The following RBM25 variants were observed in gnomAD, a reference collection of about 807,000 sequenced individuals.
RBM25 encodes RNA binding motif protein 25.
In RBM25, 19 loss-of-function variants were observed where a neutral mutation model predicts 120.7. That is an observed-to-expected ratio of 0.16 (90% CI 0.11 to 0.23). The LOEUF is 0.23. Among genes scored for constraint, RBM25 ranks in the 10% least tolerant of loss-of-function variants. The pLI is 1.00. For missense variants in RBM25, 605 were observed against 1,041.5 expected (o/e 0.58, Z 5.77); for synonymous variants, 390 against 326.7 (o/e 1.19, Z -2.09).
chr14:73,082,738 T>C (rs554402782), intron 4 of RBM25, among the ~76,000 whole-genome samples: 1 of 152,270 alleles, frequency 6.6e-6, no homozygotes, highest in East Asian at 1.9e-4. Flanking sequence ...TCCCAAGTTA[T>C]TTTTGCATAC....
intron 1 of RBM25, among the ~76,000 whole-genome samples, chr14:73,066,427 G>A (rs1415644673): frequency 6.6e-6 from 1 of 152,132 alleles, no homozygotes; most frequent in African/African-American, 2.4e-5. Context: ...CTTGAGGCCA[G>A]GAGTTTGAGA....
intron 12 of RBM25, among the ~76,000 whole-genome samples, chr14:73,106,794 T>C (rs1896198544): frequency 6.6e-6 from 1 of 151,996 alleles, no homozygotes; most frequent in Non-Finnish European, 1.5e-5. Flanking sequence ...TTAAAAACCA[T>C]ATACATATAC....
intron 10 of RBM25, among the ~76,000 whole-genome samples, chr14:73,104,097 C>T (rs1270607476): frequency 6.6e-6 from 1 of 151,944 alleles, no homozygotes; most frequent in Non-Finnish European, 1.5e-5. Flanking sequence ...AGTGGCCACT[C>T]AATGTTCTGG....
intron 17 of RBM25, 57 bp downstream of exon 17, chr14:73,112,307 C>T (rs1896325083): frequency 6.9e-7 from 1 of 1,452,932 alleles, no homozygotes; most frequent in Non-Finnish European, 9.1e-7. Context: ...AAATATTAGA[C>T]ACTTCTTAAA....
chr14:73,110,446 T>A (rs1896288031), intron 14 of RBM25, among the ~76,000 whole-genome samples: 3 of 152,040 alleles, frequency 2.0e-5, no homozygotes, highest in Admixed American at 2.0e-4. Context: ...TTTTTCTTTT[T>A]TTTTGAGATG....
intron 5 of RBM25, among the ~76,000 whole-genome samples, chr14:73,084,863 T>C (rs1895647773): frequency 6.6e-6 from 1 of 151,864 alleles, no homozygotes; most frequent in Non-Finnish European, 1.5e-5. Flanking sequence ...ATTTTTTTTT[T>C]TAATGTTTTT....
At chr14:73,100,039 C>A in intron 9 of RBM25, 1 of 471,054 alleles carries the variant, frequency 2.1e-6, no homozygotes, top group Non-Finnish European at 3.7e-6. Context: ...CAAGGTCAGA[C>A]TTAAATTAGA....
chr14:73,085,075 G>A (rs112603298), intron 5 of RBM25, among the ~76,000 whole-genome samples: 11,841 of 151,670 alleles, frequency 0.078, 566 homozygotes, highest in South Asian at 0.19. Flanking sequence ...CTGGAGTGCA[G>A]TGGCATAATC....
chr14:73,068,238 CTT>C, intron 1 of RBM25: 1 of 876,090 alleles, frequency 1.1e-6, no homozygotes, highest in Non-Finnish European at 1.9e-6. Flanking sequence ...AGAAATGCCT[CTT>C]TAATATTTTT....
intron 1 of RBM25, among the ~76,000 whole-genome samples, chr14:73,059,873 A>G (rs546467383): frequency 1.3e-5 from 2 of 152,234 alleles, no homozygotes; most frequent in Non-Finnish European, 2.9e-5. Context: ...AGTAGTATCT[A>G]TACGTTATTG....
intron 4 of RBM25, 129 bp from the exon 5 acceptor site, chr14:73,083,365 C>T (rs548198789): frequency 5.9e-5 from 38 of 645,210 alleles, no homozygotes; most frequent in East Asian, 1.4e-4. Context: ...CAAAAATTTT[C>T]GCAAATGTAG....
intron 4 of RBM25, 97 bp downstream of exon 4, chr14:73,077,633 T>A (rs1895453687): frequency 1.7e-6 from 2 of 1,194,914 alleles, no homozygotes; most frequent in Non-Finnish European, 2.3e-6. Context: ...CTTTTTATTT[T>A]AAAAAATTTC....
chr14:73,109,827 AG>A (rs750065259), intron 14 of RBM25, among the ~76,000 whole-genome samples: 4 of 152,096 alleles, frequency 2.6e-5, no homozygotes, highest in Non-Finnish European at 4.4e-5. Flanking sequence ...GTACCCGAGT[AG>A]TAGTACGGAT....
At chr14:73,068,142 A>G in intron 1 of RBM25, 1 of 815,220 alleles carries the variant, frequency 1.2e-6, no homozygotes. Flanking sequence ...TTGGTCCTAG[A>G]TGGCTGCTTG....
intron 1 of RBM25, among the ~76,000 whole-genome samples, chr14:73,065,616 C>T (rs1332847873): frequency 6.6e-6 from 1 of 151,956 alleles, no homozygotes; most frequent in Non-Finnish European, 1.5e-5. Context: ...TACGGGGTTT[C>T]GCCGTGTTGG....
At position 73,088,557 on chromosome 14, in the gene RBM25, A is replaced by G. The variant is rs187333736; in HGVS notation, c.543+396A>G. ...AAGTACACCGACTCTAAAATGAATG[A>G]AAGTCTGATTACTTGCCTTAGGTTG... On this transcript the variant is annotated intron_variant, in intron 6 of 18. Transcript: ENST00000261973. 7.5e-5 allele frequency: 27 copies of G among 361,590 alleles called. No homozygotes were observed. In the East Asian group the frequency reaches 1.9e-3, roughly 26 times the overall value. 22.4% of individuals were successfully genotyped at this position (361,590 alleles called of 1,614,324 possible). A position where few individuals can be genotyped will look rare whatever the true frequency, so the allele number is the denominator to read the frequency against.
chr14:73,105,930 G>A lies in RBM25; in HGVS notation c.1226G>A (p.Arg409Gln), dbSNP rs1334034060. The change falls in exon 11 of 19, where the codon CGA becomes CAA. Residue 409 changes from arginine (R) to glutamine (Q), a missense_variant. Physicochemically the swap from Arg to Gln is conservative, Grantham distance 43 (BLOSUM62 1). This residue lies in a region of RBM25 where 465 missense variants were observed against 741.6 expected (regional missense o/e 0.63). Coordinates refer to ENST00000261973, the MANE Select transcript of RBM25 (RefSeq NM_021239.3). ...AGAGAGAGAGAACGAGAGCGAGAAC[G>A]AGAACGGGAGCGAGAGAGAGAGCGA... Reference protein sequence around the residue: ...RERERERERERERERERERER... With the variant: ...REREREREREQERERERERER... 5.6e-6 allele frequency: 9 copies of A among 1,612,512 alleles called. No homozygotes were observed. The highest frequency in any genetic ancestry group is 7.6e-6 in the Non-Finnish European group (9 of 1,179,258).
chr14:73,107,781 ATTAC>A (rs1369207156), intron 12 of RBM25, 41 bp from the exon 13 acceptor site: 3 of 1,372,862 alleles, frequency 2.2e-6, no homozygotes, highest in Non-Finnish European at 3.1e-6. Flanking sequence ...AGTAATCTTT[ATTAC>A]TTGTATGTTA....
chr14:73,105,740 T>C (rs1896172251), intron 10 of RBM25, 119 bp from the exon 11 acceptor site: 2 of 1,438,800 alleles, frequency 1.4e-6, no homozygotes, highest in East Asian at 2.3e-5. Context: ...GGAAATCAAG[T>C]GCTAGATTCT....
Sources: gnomAD v4.1 joint callset for allele counts (sites outside exome capture counted in the v4.1 genomes callset) on GRCh38, gnomAD v4.1.1 for gene constraint, gnomAD v4.1.1 regional missense constraint, MANE v1.5 for transcripts, NCBI Gene and HGNC (gene_info 2026-07-23, HGNC 2026-07-21) for gene names.